ITK: variants seen among roughly 807,000 people sequenced by gnomAD.
The protein encoded by ITK is IL2 inducible T cell kinase.
A neutral mutation model predicts 87.6 loss-of-function variants in ITK; 45 were observed. The ratio of observed to expected loss-of-function variants is 0.51; its 90% CI spans 0.40 to 0.66. ITK has a LOEUF of 0.66. Among genes scored for constraint, ITK ranks in the 30% least tolerant of loss-of-function variants. The pLI, the probability that ITK is intolerant of heterozygous loss-of-function variation, is 0.00. For synonymous variants in ITK, 303 were observed against 273.6 expected (o/e 1.11, Z -1.06); for missense variants, 605 against 766.3 (o/e 0.79, Z 2.48).
intron 1 of ITK, among the ~76,000 whole-genome samples, chr5:157,200,412 C>T (rs1266586612): frequency 6.6e-6 from 1 of 152,148 alleles, no homozygotes; most frequent in Admixed American, 6.5e-5. Flanking sequence ...TGTGTGGTTT[C>T]CTTGGAAAGT....
At chr5:157,206,495 G>A (rs551652447) in intron 1 of ITK, among the ~76,000 whole-genome samples, 167 of 152,214 alleles carry the variant, frequency 1.1e-3, no homozygotes, top group Non-Finnish European at 1.8e-3. Flanking sequence ...GGTAGAATTC[G>A]GCTGTGAATC....
chr5:157,250,009 C>T (rs1423805042), intron 16 of ITK, among the ~76,000 whole-genome samples: 11 of 152,054 alleles, frequency 7.2e-5, no homozygotes, highest in Admixed American at 3.9e-4. Flanking sequence ...GAACAGTTTC[C>T]CTGTTCACTA....
chr5:157,222,888 CTG>C lies in ITK; in HGVS notation c.524_525del (p.Val175GlyfsTer6). ...CGACCACTTTGGGAACCTGAAGAAA[CTG>C]TGGTCATTGCCTTATATGACTACCA... On this transcript the variant is annotated frameshift_variant, in exon 6 of 17. Coordinates refer to ENST00000422843, the MANE Select transcript of ITK (RefSeq NM_005546.4). LOFTEE classifies it high-confidence loss of function. 6.2e-7 allele frequency: 1 copy of C among 1,614,106 alleles called. No homozygotes were observed. Among genetic ancestry groups the C allele is most frequent in the Non-Finnish European group, 8.5e-7 (1 of 1,180,028 alleles).
At chr5:157,219,878 G>A (rs1266719038) in intron 5 of ITK, among the ~76,000 whole-genome samples, 1 of 152,064 alleles carries the variant, frequency 6.6e-6, no homozygotes, top group Non-Finnish European at 1.5e-5. Flanking sequence ...AACACTGCTG[G>A]TCCTTCTCTC....
intron 1 of ITK, among the ~76,000 whole-genome samples, chr5:157,186,682 A>AAGAGAGAGAGAG (rs61141972): frequency 2.0e-5 from 3 of 148,552 alleles, no homozygotes; most frequent in Non-Finnish European, 3.0e-5. Context: ...GTCTCAAAAA[A>AAGAGAGAGAGAG]AGAGAGAGAG....
At chr5:157,238,786 C>A (rs1359814194) in intron 9 of ITK, among the ~76,000 whole-genome samples, 1 of 152,174 alleles carries the variant, frequency 6.6e-6, no homozygotes, top group African/African-American at 2.4e-5. Context: ...CTTTTCTGCC[C>A]CTCTGTACCT....
At chr5:157,186,613 T>A (rs1374090810) in intron 1 of ITK, among the ~76,000 whole-genome samples, 1 of 151,042 alleles carries the variant, frequency 6.6e-6, no homozygotes, top group Non-Finnish European at 1.5e-5. Flanking sequence ...GAGGCAGAGG[T>A]TGCAGAGAGC....
chr5:157,204,079 C>A (rs1490130827), intron 1 of ITK, among the ~76,000 whole-genome samples: 1 of 152,202 alleles, frequency 6.6e-6, no homozygotes, highest in Non-Finnish European at 1.5e-5. Flanking sequence ...ATCACTATCA[C>A]AGCTCACTGC....
chr5:157,208,963 C>T lies in ITK; in HGVS notation c.213C>T (p.Ser71=). 2 of 1,613,552 alleles carry T rather than the reference C, an allele frequency of 1.2e-6. No individual in the cohort carries two copies. Among genetic ancestry groups the T allele is most frequent in the Non-Finnish European group, 1.7e-6 (2 of 1,179,484 alleles). Residue 71 remains serine, a synonymous_variant, in exon 2 of 17, where the codon AGC becomes AGT. Transcript: ENST00000422843. ...KCVEIVKSDI[S]IPCHYKYPFQ... Reference sequence around the variant, plus strand: ...TTGAGATTGTGAAAAGTGACATCAGCATCCCATGCCACTATAAATACCCGT... The same window carrying T: ...TTGAGATTGTGAAAAGTGACATCAGTATCCCATGCCACTATAAATACCCGT...
At position 157,221,591 on chromosome 5, in the gene ITK, G is replaced by GA. The variant is rs576665287; in HGVS notation, c.496-1263dup. On this transcript the variant is annotated intron_variant, in intron 5 of 16. Coordinates refer to ENST00000422843, the MANE Select transcript of ITK (RefSeq NM_005546.4). ...ATATTCCAAGCTTGCATGATTATTAGAAAAAAAAATACATGTCCAGTGTGC... is the reference window on the plus strand; with the variant it reads ...ATATTCCAAGCTTGCATGATTATTAGAAAAAAAAAATACATGTCCAGTGTGC... 1.4e-3 allele frequency among the ~76,000 whole-genome samples: 210 copies of GA among 150,978 alleles called. 1 individual carries two copies. The highest frequency in any genetic ancestry group is 4.6e-3 in the African/African-American group (188 of 41,164).
In ITK at chr5:157,254,628, T is replaced by C. The variant is rs1755215335; in HGVS notation, c.*1950T>C. On this transcript the variant is annotated 3_prime_UTR_variant, in exon 17 of 17. Coordinates refer to ENST00000422843, the MANE Select transcript of ITK (RefSeq NM_005546.4). The stretch of plus-strand genomic sequence containing the variant: ...AGAGCCTCAAGATAAAACTCTGTCA[T>C]TCAGAAGATGATTTTACTCAGCTTA... 1 of 217,976 alleles carries C rather than the reference T, an allele frequency of 4.6e-6. No individual in the cohort carries two copies. Among genetic ancestry groups the C allele is most frequent in the Admixed American group, 5.8e-5 (1 of 17,284 alleles). 13.5% of individuals were successfully genotyped at this position (217,976 alleles called of 1,614,324 possible). A position where few individuals can be genotyped will look rare whatever the true frequency, so the allele number is the denominator to read the frequency against.
At chr5:157,203,493 TG>T (rs1458827156) in intron 1 of ITK, among the ~76,000 whole-genome samples, 4 of 152,160 alleles carry the variant, frequency 2.6e-5, no homozygotes, top group Non-Finnish European at 5.9e-5. Context: ...TGTCAGCAAA[TG>T]GAGTTGTCAT....
chr5:157,208,962 G>C lies in ITK; in HGVS notation c.212G>C (p.Ser71Thr), dbSNP rs1386860362. Residue 71 changes from serine (S) to threonine (T), a missense_variant, in exon 2 of 17, where the codon AGC (serine) becomes ACC (threonine). This residue lies in a region of ITK where 464 missense variants were observed against 578.0 expected (regional missense o/e 0.80). Transcript: ENST00000422843. ...GTTGAGATTGTGAAAAGTGACATCA[G>C]CATCCCATGCCACTATAAATACCCG... ...KCVEIVKSDISIPCHYKYPFQ... is the reference protein window; with the variant it reads ...KCVEIVKSDITIPCHYKYPFQ... 6 of 1,613,594 alleles carry C rather than the reference G, an allele frequency of 3.7e-6. No homozygotes were observed. Among genetic ancestry groups the C allele is most frequent in the Non-Finnish European group, 5.1e-6 (6 of 1,179,634 alleles).
At chr5:157,227,179 A>C (rs1373560748) in intron 6 of ITK, among the ~76,000 whole-genome samples, 1 of 152,174 alleles carries the variant, frequency 6.6e-6, no homozygotes, top group Non-Finnish European at 1.5e-5. Context: ...CTAGATTTTA[A>C]GTATAATATA....
chr5:157,219,018 GA>G (rs958907414), intron 5 of ITK, among the ~76,000 whole-genome samples: 28 of 145,146 alleles, frequency 1.9e-4, no homozygotes, highest in South Asian at 4.3e-4. Context: ...TTAAGGAGAT[GA>G]AAAAAAAAAG....
At chr5:157,227,997 A>AT (rs1165791213) in intron 6 of ITK, among the ~76,000 whole-genome samples, 9 of 150,778 alleles carry the variant, frequency 6.0e-5, no homozygotes, top group South Asian at 2.1e-4. Context: ...CACCCGGCTA[A>AT]TTTTTTTGTG....
intron 4 of ITK, among the ~76,000 whole-genome samples, chr5:157,217,230 GAA>G (rs1221949631): frequency 2.0e-5 from 3 of 152,098 alleles, no homozygotes; most frequent in Non-Finnish European, 4.4e-5. Context: ...GAGAAAGGAG[GAA>G]AGAGGGAAGA....
At chr5:157,185,896 T>C (rs1753633365) in intron 1 of ITK, among the ~76,000 whole-genome samples, 1 of 152,170 alleles carries the variant, frequency 6.6e-6, no homozygotes, top group Admixed American at 6.5e-5. Flanking sequence ...TTCCTTTTAA[T>C]AAGATGGAGG....
intron 2 of ITK, among the ~76,000 whole-genome samples, chr5:157,210,878 T>A (rs1754177800): frequency 1.3e-5 from 2 of 152,048 alleles, no homozygotes; most frequent in Admixed American, 6.6e-5. Flanking sequence ...TGGAACTTCT[T>A]GTGAGTCTTA....
Sources: allele counts gnomAD v4.1 joint callset (sites outside exome capture counted in the v4.1 genomes callset), GRCh38; gene constraint gnomAD v4.1.1; regional missense constraint gnomAD v4.1.1; transcripts MANE v1.5; gene names NCBI Gene and HGNC (gene_info 2026-07-23, HGNC 2026-07-21).